DRC8: variants seen among roughly 807,000 people sequenced by gnomAD.
DRC8 encodes the protein dynein regulatory complex subunit 8.
chr1:245,011,388 G>A, the DRC8 span, among the ~76,000 whole-genome samples: 2 of 152,204 alleles, frequency 1.3e-5, no homozygotes. Context: ...CATTCATGAA[G>A]TGAAAAAATA....
chr1:245,088,833 T>C, the DRC8 span, among the ~76,000 whole-genome samples: 2 of 152,132 alleles, frequency 1.3e-5, no homozygotes, highest in African/African-American at 2.4e-5. The surrounding 1 kb of genome is among the most constrained non-coding windows in gnomAD (Gnocchi z 4.6). Flanking sequence ...AGAGGTGTCA[T>C]GAAACATGGA....
At chr1:244,984,128 T>TG in the DRC8 span, among the ~76,000 whole-genome samples, 250 of 145,652 alleles carry the variant, frequency 1.7e-3, 1 homozygote, top group Admixed American at 4.2e-3. Context: ...CTAATTTTTT[T>TG]GGGGGGGGGG....
At chr1:245,006,449 T>A in the DRC8 span, among the ~76,000 whole-genome samples, 1 of 152,224 alleles carries the variant, frequency 6.6e-6, no homozygotes. Flanking sequence ...TACAGGCGCA[T>A]GCCACCACAC....
the DRC8 span, among the ~76,000 whole-genome samples, chr1:244,997,121 T>C: frequency 1.3e-5 from 2 of 152,192 alleles, no homozygotes. Flanking sequence ...TGCAGTTTTT[T>C]CCCCAAATAT....
the DRC8 span, among the ~76,000 whole-genome samples, chr1:245,092,346 T>G: frequency 1.4e-4 from 22 of 152,182 alleles, no homozygotes; most frequent in African/African-American, 5.1e-4. Flanking sequence ...TGTGTTTAGA[T>G]CTCTCTCTCC....
chr1:244,970,137 A>T, the DRC8 span: 1 of 682,172 alleles, frequency 1.5e-6, no homozygotes, highest in South Asian at 1.6e-5. Context: ...TAGGCCCGGG[A>T]CAAGTCCGGC....
At chr1:245,001,102 A>G in the DRC8 span, among the ~76,000 whole-genome samples, 1 of 152,216 alleles carries the variant, frequency 6.6e-6, no homozygotes, top group Admixed American at 6.5e-5. Flanking sequence ...GTTAACATCT[A>G]TTGAGTTTAC....
At chr1:245,060,939 A>G in the DRC8 span, among the ~76,000 whole-genome samples, 1 of 152,234 alleles carries the variant, frequency 6.6e-6, no homozygotes, top group Non-Finnish European at 1.5e-5. Context: ...TATATTATCT[A>G]TGGTTGTTTC....
the DRC8 span, among the ~76,000 whole-genome samples, chr1:245,011,058 C>CATAATGAATGAA: frequency 6.6e-6 from 1 of 152,156 alleles, no homozygotes; most frequent in South Asian, 2.1e-4. Flanking sequence ...GAAATCTTTG[C>CATAATGAATGAA]ATATACATAA....
the DRC8 span, among the ~76,000 whole-genome samples, chr1:245,118,505 C>T: frequency 6.6e-6 from 1 of 152,068 alleles, no homozygotes; most frequent in South Asian, 2.1e-4. Flanking sequence ...AAAACAATGA[C>T]AGTAAGCCGG....
chr1:245,032,399 A>G, the DRC8 span, among the ~76,000 whole-genome samples: 2 of 152,214 alleles, frequency 1.3e-5, no homozygotes, highest in African/African-American at 4.8e-5. Flanking sequence ...CTCCTAACCC[A>G]TCGCCATCTT....
chr1:245,030,648 T>C, the DRC8 span: 1 of 152,250 alleles, frequency 6.6e-6, no homozygotes, highest in African/African-American at 2.4e-5. Flanking sequence ...TATTTCTTCT[T>C]TTCCAGATTC....
At chr1:245,017,946 G>T in the DRC8 span, among the ~76,000 whole-genome samples, 2 of 152,110 alleles carry the variant, frequency 1.3e-5, no homozygotes, top group South Asian at 4.2e-4. Context: ...AAGCAATGAA[G>T]CCAGGCGTGG....
At chr1:244,973,921 GTTATAC>G in the DRC8 span, among the ~76,000 whole-genome samples, 2 of 152,048 alleles carry the variant, frequency 1.3e-5, no homozygotes, top group African/African-American at 4.8e-5. Context: ...CGTTGAAGTT[GTTATAC>G]TTATTTGTAG....
the DRC8 span, among the ~76,000 whole-genome samples, chr1:245,044,846 C>A: frequency 6.6e-6 from 1 of 151,984 alleles, no homozygotes; most frequent in Non-Finnish European, 1.5e-5. Context: ...CCCCCTCCCC[C>A]GACCCAGCCC....
chr1:244,991,016 G>T, the DRC8 span, among the ~76,000 whole-genome samples: 1 of 152,054 alleles, frequency 6.6e-6, no homozygotes, highest in African/African-American at 2.4e-5. Context: ...TAAGGATTTG[G>T]TCCCACAAGA....
the DRC8 span, among the ~76,000 whole-genome samples, chr1:244,998,309 A>C: frequency 2.0e-5 from 3 of 152,252 alleles, no homozygotes; most frequent in East Asian, 5.8e-4. Context: ...GCTGGGCTCA[A>C]GCAATCATCC....
At chr1:244,972,167 G>T in the DRC8 span, among the ~76,000 whole-genome samples, 7 of 152,108 alleles carry the variant, frequency 4.6e-5, no homozygotes, top group African/African-American at 1.7e-4. Flanking sequence ...TAAATTCAGA[G>T]AAACAATTTT....
chr1:244,986,090 G>A, the DRC8 span, among the ~76,000 whole-genome samples: 1 of 151,392 alleles, frequency 6.6e-6, no homozygotes. Context: ...CGAGTAGCTG[G>A]GATTACAGGC....
Sources: gnomAD v4.1 joint callset for allele counts (sites outside exome capture counted in the v4.1 genomes callset) on GRCh38, gnomAD v4.1.1 for gene constraint, Gnocchi (gnomAD v3.1) non-coding constraint, MANE v1.5 for transcripts, NCBI Gene and HGNC (gene_info 2026-07-23, HGNC 2026-07-21) for gene names.